Variants in STK3 observed in about 807,000 individuals in gnomAD.
The protein encoded by STK3 is serine/threonine kinase 3, also known as serine/threonine-protein kinase 3.
STK3 carries 41 observed loss-of-function variants against 58.0 expected under a neutral mutation model. The observed-to-expected ratio is 0.71, with a 90% CI of 0.55 to 0.92. STK3 has a LOEUF of 0.92. STK3 is among the 40% of genes least tolerant of loss of function. The pLI, the probability that STK3 is intolerant of heterozygous loss-of-function variation, is 0.00. For missense variants in STK3, 479 were observed against 602.7 expected, an observed-to-expected ratio of 0.79 and a Z score of 2.15; for synonymous variants, 170 against 191.0, an observed-to-expected ratio of 0.89 and a Z score of 0.91.
chr8:98,763,857 T>A (rs1769018063), intron 3 of STK3, among the ~76,000 whole-genome samples: 1 of 152,142 alleles, frequency 6.6e-6, no homozygotes, highest in African/African-American at 2.4e-5. Flanking sequence ...ATCTATTTAG[T>A]AGAAATGGAG....
chr8:98,353,311 CA>C, the STK3 span, among the ~76,000 whole-genome samples: 2 of 151,654 alleles, frequency 1.3e-5, no homozygotes, highest in Non-Finnish European at 2.9e-5. Flanking sequence ...TCCATCTCTA[CA>C]AAAAAACAAA....
chr8:98,460,034 G>C (rs1268556810), intron 10 of STK3, among the ~76,000 whole-genome samples: 1 of 152,198 alleles, frequency 6.6e-6, no homozygotes, highest in East Asian at 1.9e-4. Flanking sequence ...CCAGAACACA[G>C]AATGGTAGAT....
chr8:98,550,898 A>G (rs967621922), intron 8 of STK3, among the ~76,000 whole-genome samples: 1 of 152,178 alleles, frequency 6.6e-6, no homozygotes, highest in Admixed American at 6.5e-5. Flanking sequence ...CTTGAATACT[A>G]TTTCTATCAT....
intron 3 of STK3, among the ~76,000 whole-genome samples, chr8:98,845,583 A>C (rs1836170630): frequency 6.6e-6 from 1 of 152,092 alleles, no homozygotes; most frequent in Non-Finnish European, 1.5e-5. Context: ...CCATTTTTCC[A>C]CGTTCATATA....
At chr8:98,820,254 TA>T (rs1834803546) in intron 1 of STK3, among the ~76,000 whole-genome samples, 1 of 152,126 alleles carries the variant, frequency 6.6e-6, no homozygotes. Context: ...AAAATAATAA[TA>T]AAAAATTGCC....
intron 1 of STK3, among the ~76,000 whole-genome samples, chr8:98,446,977 A>C (rs1377639935): frequency 6.6e-6 from 1 of 152,140 alleles, no homozygotes; most frequent in Non-Finnish European, 1.5e-5. Flanking sequence ...GTTAGCAAAC[A>C]AACACAGGAA....
chr8:98,680,959 T>TATAGTTTC (rs1357748069), intron 6 of STK3, among the ~76,000 whole-genome samples: 1 of 151,408 alleles, frequency 6.6e-6, no homozygotes, highest in Non-Finnish European at 1.5e-5. Context: ...ATTTTCCTTC[T>TATAGTTTC]ATAGTTTCTA....
rs535908149 is a variant in STK3 at position 98,374,254 on chromosome 8, T to C, written n.112-2576A>G. Among the ~76,000 whole-genome samples, 33 of 152,288 alleles carry C rather than the reference T, an allele frequency of 2.2e-4. No homozygotes were observed. The South Asian group carries it at 6.8e-3, about 32-fold the overall frequency. On this transcript the variant is annotated intron_variant and non_coding_transcript_variant, in intron 2 of 2. Coordinates refer to the STK3 transcript ENST00000518704. ...CATGGCAGAGATGCAGGCTGTCTGG[T>C]CTGAACAACTGAGGGGTGGGTACAG...
chr8:98,885,674 AG>A (rs1468272915), intron 1 of STK3, among the ~76,000 whole-genome samples: 2 of 152,202 alleles, frequency 1.3e-5, no homozygotes, highest in African/African-American at 4.8e-5. Context: ...TCCCAATCTC[AG>A]GTGATCTGCC....
intron 10 of STK3, among the ~76,000 whole-genome samples, chr8:98,462,231 G>A (rs908687116): frequency 1.3e-4 from 20 of 152,036 alleles, no homozygotes; most frequent in African/African-American, 4.8e-4. Flanking sequence ...TGTCACGCAA[G>A]CTGGAGTGCA....
the STK3 span, among the ~76,000 whole-genome samples, chr8:98,351,305 A>C: frequency 6.6e-6 from 1 of 152,200 alleles, no homozygotes; most frequent in African/African-American, 2.4e-5. Flanking sequence ...TAAAGTGTAT[A>C]ATGGCTCCAT....
intron 8 of STK3, among the ~76,000 whole-genome samples, chr8:98,559,388 T>G (rs894250955): frequency 5.9e-5 from 9 of 152,136 alleles, no homozygotes; most frequent in African/African-American, 2.2e-4. Context: ...TTCTCAGAGC[T>G]AAACGCAGTA....
downstream of STK3, among the ~76,000 whole-genome samples, chr8:98,367,756 ACT>A (rs926884554): frequency 6.6e-6 from 1 of 152,172 alleles, no homozygotes; most frequent in African/African-American, 2.4e-5. Context: ...TTTCGGGGCA[ACT>A]CTCTGGCTAA....
intron 6 of STK3, among the ~76,000 whole-genome samples, chr8:98,705,764 A>G (rs1371812895): frequency 1.3e-5 from 2 of 152,306 alleles, no homozygotes; most frequent in East Asian, 3.9e-4. Context: ...CAGTGTACCT[A>G]TTTATGATGA....
chr8:98,497,587 C>A (rs150470075), intron 10 of STK3, among the ~76,000 whole-genome samples: 1 of 152,126 alleles, frequency 6.6e-6, no homozygotes, highest in Non-Finnish European at 1.5e-5. Context: ...AGAGCTCTTA[C>A]AACTCAATAA....
intron 1 of STK3, among the ~76,000 whole-genome samples, chr8:98,922,683 G>C (rs946168008): frequency 6.6e-6 from 1 of 152,186 alleles, no homozygotes; most frequent in Non-Finnish European, 1.5e-5. Flanking sequence ...ACTGCTGATC[G>C]CTGAGTGAGG....
chr8:98,351,882 G>A, the STK3 span, among the ~76,000 whole-genome samples: 1 of 152,170 alleles, frequency 6.6e-6, no homozygotes. Flanking sequence ...GGGTTTGGCT[G>A]GGCGTGGTGC....
intron 3 of STK3, among the ~76,000 whole-genome samples, chr8:98,395,673 T>C (rs1817891371): frequency 6.6e-6 from 1 of 152,248 alleles, no homozygotes; most frequent in African/African-American, 2.4e-5. Context: ...TTGTTGGATT[T>C]GTGGATTCTC....
intron 10 of STK3, among the ~76,000 whole-genome samples, chr8:98,521,121 G>T (rs1289412501): frequency 2.0e-5 from 3 of 152,172 alleles, no homozygotes; most frequent in Non-Finnish European, 2.9e-5. Context: ...AGAGGGTTGA[G>T]CAGTTCCAGT....
Sources: allele counts gnomAD v4.1 joint callset (sites outside exome capture counted in the v4.1 genomes callset), GRCh38; gene constraint gnomAD v4.1.1; transcripts MANE v1.5; gene names NCBI Gene and HGNC (gene_info 2026-07-23, HGNC 2026-07-21).